ISX: variants seen among roughly 807,000 people sequenced by gnomAD.
ISX encodes the protein intestine-specific homeobox.
Under a neutral mutation model 16.9 loss-of-function variants are expected in ISX, and 15 were observed. That is an observed-to-expected ratio of 0.89 (90% CI 0.59 to 1.36). The LOEUF (loss-of-function observed/expected upper bound fraction) is 1.36. Ranked by LOEUF, ISX falls within the 40% of genes most tolerant of loss-of-function variation. The pLI is 0.00. For synonymous variants in ISX, 125 were observed against 119.7 expected (o/e 1.04, Z -0.29); for missense variants, 316 against 306.1 (o/e 1.03, Z -0.24).
rs1929233327 is a variant in ISX at position 35,085,591 on chromosome 22, G to A, written c.636G>A (p.Gln212=). Residue 212 remains glutamine (Q), a synonymous_variant, in exon 5 of 5, where the codon CAG becomes CAA. Transcript: ENST00000404699. ...TCCCAGCGCACCCATGGGAAACACA[G>A]CCTGTCCCAGGTCTTCCCATCCATC... ...TLLPAHPWET[Q]PVPGLPIHQT... 1 of 1,614,240 alleles carries A rather than the reference G, an allele frequency of 6.2e-7. No individual in the cohort carries two copies. Among genetic ancestry groups the A allele is most frequent in the African/African-American group, 1.3e-5 (1 of 75,052 alleles).
chr22:35,067,383 A>C (rs1215255993), intron 2 of ISX, 67 bp downstream of exon 2: 1 of 1,130,772 alleles, frequency 8.8e-7, no homozygotes, highest in Non-Finnish European at 1.3e-6. Flanking sequence ...TCAGGCAGAG[A>C]AAAAGCTTCT....
rs537808039 is a variant in ISX at position 35,082,750 on chromosome 22, G to T, written c.381+81G>T. The T allele has an allele frequency of 5.0e-5, 74 of 1,468,960 alleles. 1 individual carries two copies. The South Asian group carries it at 8.4e-4, about 17-fold the overall frequency. The allele number at this position is 1,468,960 out of a possible 1,614,324, so 91.0% of individuals were successfully genotyped here. A position where few individuals can be genotyped will look rare whatever the true frequency, so the allele number is the denominator to read the frequency against. ...GACACAATATATCCAGGGACTTTTC[G>T]GGTTGCCCCATCTAAAAGTTTCTGT... On this transcript the variant is annotated intron_variant, in intron 3 of 4. Coordinates refer to ENST00000404699, the MANE Select transcript of ISX (RefSeq NM_001303508.2).
intron 2 of ISX, among the ~76,000 whole-genome samples, chr22:35,074,628 T>C (rs145176279): frequency 2.0e-5 from 3 of 152,376 alleles, no homozygotes; most frequent in Non-Finnish European, 4.4e-5. Flanking sequence ...TTTGCCACCT[T>C]GGTCGGCCTT....
chr22:35,069,620 G>A (rs780737272), intron 2 of ISX, among the ~76,000 whole-genome samples: 1 of 152,182 alleles, frequency 6.6e-6, no homozygotes, highest in Non-Finnish European at 1.5e-5. Context: ...ATGATCCCAG[G>A]CAGGGCAGGA....
At chr22:35,076,690 A>G (rs894008795) in intron 2 of ISX, among the ~76,000 whole-genome samples, 8 of 152,178 alleles carry the variant, frequency 5.3e-5, no homozygotes, top group African/African-American at 1.9e-4. Flanking sequence ...GACCCCAGAG[A>G]AGAAGCAATC....
chr22:35,085,536 C>T lies in ISX; in HGVS notation c.581C>T (p.Ser194Phe). 4 of 1,614,218 alleles carry T rather than the reference C, an allele frequency of 2.5e-6. No individual in the cohort carries two copies. Among genetic ancestry groups the T allele is most frequent in the Non-Finnish European group, 2.5e-6 (3 of 1,180,014 alleles). The change falls in exon 5 of 5, where the codon TCT becomes TTT. Residue 194 changes from serine (S) to phenylalanine (F), a missense_variant. Coordinates refer to ENST00000404699, the MANE Select transcript of ISX (RefSeq NM_001303508.2). ...CCATCGGCTCAAGATCAGCTGGCCT[C>T]TGCCTGGTTCCCTGCCTGGATCACC... Reference protein sequence around the residue: ...CCPSAQDQLASAWFPAWITLL... With the variant: ...CCPSAQDQLAFAWFPAWITLL...
intron 2 of ISX, among the ~76,000 whole-genome samples, chr22:35,070,662 G>A (rs1236753036): frequency 6.6e-6 from 1 of 152,196 alleles, no homozygotes; most frequent in Non-Finnish European, 1.5e-5. Flanking sequence ...TGGGGGCTGG[G>A]GAGGTGAAGG....
intron 2 of ISX, among the ~76,000 whole-genome samples, chr22:35,068,458 T>G (rs948479382): frequency 6.6e-6 from 1 of 152,130 alleles, no homozygotes; most frequent in Admixed American, 6.5e-5. Context: ...ATAGCTGAGT[T>G]TTCCAAAGGG....
At chr22:35,076,561 T>C (rs1928986419) in intron 2 of ISX, among the ~76,000 whole-genome samples, 1 of 152,154 alleles carries the variant, frequency 6.6e-6, no homozygotes, top group Non-Finnish European at 1.5e-5. Context: ...AAGGGGGCCC[T>C]GGGTGTCCTC....
chr22:35,084,054 G>T (rs1180266409), intron 3 of ISX, among the ~76,000 whole-genome samples: 3 of 152,238 alleles, frequency 2.0e-5, no homozygotes, highest in Non-Finnish European at 4.4e-5. Flanking sequence ...TGCAACACCG[G>T]ACTCACATTT....
chr22:35,078,465 T>C (rs1338031426), intron 2 of ISX, among the ~76,000 whole-genome samples: 4 of 151,824 alleles, frequency 2.6e-5, no homozygotes, highest in African/African-American at 9.7e-5. Flanking sequence ...AATATCTTTT[T>C]TTAAAAACCC....
chr22:35,076,553 G>A (rs1020250877), intron 2 of ISX, among the ~76,000 whole-genome samples: 1 of 152,174 alleles, frequency 6.6e-6, no homozygotes. Context: ...GGGCTGCAAA[G>A]GGGGCCCTGG....
Position 35,082,634 on chromosome 22 carries a change from G to T in ISX, c.346G>T (p.Ala116Ser). 1.2e-6 allele frequency: 2 copies of T among 1,614,140 alleles called. No individual in the cohort carries two copies. The highest frequency in any genetic ancestry group is 4.5e-5 in the East Asian group (2 of 44,872). ...AGACGTTCACATCCGCAGCCAGCTG[G>T]CAGCCAGGATCAACCTCCCAGAAGC... ...YPDVHIRSQL[A>S]ARINLPEARV... Residue 116 changes from alanine (A) to serine (S), a missense_variant, in exon 3 of 5, where the codon GCA becomes TCA. Physicochemically the swap from Ala to Ser is moderately conservative, Grantham distance 99 (BLOSUM62 1). Transcript: ENST00000404699.
chr22:35,075,076 T>C (rs533540587), intron 2 of ISX, among the ~76,000 whole-genome samples: 1 of 152,322 alleles, frequency 6.6e-6, no homozygotes, highest in South Asian at 2.1e-4. Context: ...AAATACGATA[T>C]ACAAACCTAA....
At position 35,087,017 on chromosome 22, in the gene ISX, G is replaced by C. The variant is rs542978011; in HGVS notation, c.*1324G>C. The C allele has an allele frequency of 7.9e-5, 12 of 152,278 alleles. No individual in the cohort carries two copies. The highest frequency in any genetic ancestry group is 1.8e-4 in the Non-Finnish European group (12 of 68,114). The allele number at this position is 152,278 out of a possible 1,614,324, so 9.4% of individuals were successfully genotyped here. A position where few individuals can be genotyped will look rare whatever the true frequency, so the allele number is the denominator to read the frequency against. ...CGGGAGTTGGGAAGCCTAGGTCTTA[G>C]TCCTACACTCCTTCTAATTTGCTGT... is the stretch of plus-strand genomic sequence containing the variant. On this transcript the variant is annotated 3_prime_UTR_variant, in exon 5 of 5. Transcript: ENST00000404699.
chr22:35,082,367 A>G, intron 2 of ISX, 151 bp from the exon 3 acceptor site: 2 of 697,422 alleles, frequency 2.9e-6, no homozygotes, highest in Non-Finnish European at 4.8e-6. Flanking sequence ...ATTTTAGGAA[A>G]GAGAATACTG....
rs1228174241 is a variant in ISX at position 35,067,040 on chromosome 22, C to T, written c.-48C>T. 1.4e-6 allele frequency: 2 copies of T among 1,466,340 alleles called. No individual in the cohort carries two copies. The highest frequency in any genetic ancestry group is 1.2e-5 in the South Asian group (1 of 83,928). The allele number at this position is 1,466,340 out of a possible 1,614,324, so 90.8% of individuals were successfully genotyped here. ...TTCAGGGGAGGAAGTACGCCACTCT[C>T]CACTGGCACCCTCCTTGGCCTACAC... is the stretch of plus-strand genomic sequence containing the variant. On this transcript the variant is annotated 5_prime_UTR_variant, in exon 2 of 5. Coordinates refer to ENST00000404699, the MANE Select transcript of ISX (RefSeq NM_001303508.2).
chr22:35,078,089 T>C (rs1340169121), intron 2 of ISX, among the ~76,000 whole-genome samples: 1 of 152,106 alleles, frequency 6.6e-6, no homozygotes. Context: ...CACAGTTCTA[T>C]AGTCCCATGA....
intron 2 of ISX, among the ~76,000 whole-genome samples, chr22:35,068,969 T>A (rs1035445519): frequency 2.0e-5 from 3 of 152,292 alleles, no homozygotes; most frequent in African/African-American, 7.2e-5. Flanking sequence ...TACTCTAGAT[T>A]ATTCCTGAAC....
Sources: allele counts gnomAD v4.1 joint callset (sites outside exome capture counted in the v4.1 genomes callset), GRCh38; gene constraint gnomAD v4.1.1; transcripts MANE v1.5; gene names NCBI Gene and HGNC (gene_info 2026-07-23, HGNC 2026-07-21).